The following AGBL1 variants were observed in gnomAD, a reference collection of about 807,000 sequenced individuals.
The protein encoded by AGBL1 is cytosolic carboxypeptidase 4.
Under a neutral mutation model 118.9 loss-of-function variants are expected in AGBL1, and 130 were observed. The observed-to-expected ratio is 1.09, with a 90% CI of 0.95 to 1.26. The LOEUF (loss-of-function observed/expected upper bound fraction) is 1.26, where lower values mean the gene tolerates loss of function less well. Ranked by LOEUF, AGBL1 falls within the 50% of genes most tolerant of loss-of-function variation. AGBL1 has a pLI of 0.00. For synonymous variants in AGBL1, 555 were observed against 478.9 expected (o/e 1.16, Z -2.08); for missense variants, 1,584 against 1,298.1 (o/e 1.22, Z -3.38).
At chr15:86,821,462 A>T (rs1275922812) in intron 22 of AGBL1, among the ~76,000 whole-genome samples, 1 of 152,218 alleles carries the variant, frequency 6.6e-6, no homozygotes, top group Non-Finnish European at 1.5e-5. Context: ...GAAAAAACTG[A>T]AAGTAATTCC....
chr15:86,264,545 C>G lies in AGBL1; in HGVS notation c.1374C>G (p.Asp458Glu), dbSNP rs369544801. Residue 458 changes from aspartate (D) to glutamate (E), a missense_variant, in exon 11 of 23, where the codon GAC (aspartate) becomes GAG (glutamate). By Grantham distance (45) the Asp-to-Glu change is conservative. Transcript: ENST00000614907. ...RRDSSESEIP[D>E]IQASPKADAW... ...ATTCTTCTGAAAGTGAAATCCCTGA[C>G]ATTCAGGCTTCCCCGAAAGCAGATG... 4 of 1,614,046 alleles carry G rather than the reference C, an allele frequency of 2.5e-6. No homozygotes were observed. Among genetic ancestry groups the G allele is most frequent in the Non-Finnish European group, 2.5e-6 (3 of 1,179,892 alleles).
At chr15:86,363,279 T>TAG (rs1228556598) in intron 17 of AGBL1, among the ~76,000 whole-genome samples, 1 of 152,214 alleles carries the variant, frequency 6.6e-6, no homozygotes, top group East Asian at 1.9e-4. Flanking sequence ...CCTGTTCTGC[T>TAG]ATCTTACTGG....
At chr15:87,022,477 G>T in intron 24 of AGBL1, among the ~76,000 whole-genome samples, 1 of 152,202 alleles carries the variant, frequency 6.6e-6, no homozygotes, top group East Asian at 1.9e-4. Flanking sequence ...CCAAACTTAA[G>T]AATAATTGGT....
At chr15:86,171,708 A>G (rs367938410) in intron 5 of AGBL1, among the ~76,000 whole-genome samples, 281 of 152,322 alleles carry the variant, frequency 1.8e-3, no homozygotes, top group African/African-American at 6.7e-3. Flanking sequence ...GGGCAAATAT[A>G]TAATCATATT....
chr15:86,691,112 T>C (rs1044107202), intron 22 of AGBL1, among the ~76,000 whole-genome samples: 2 of 152,110 alleles, frequency 1.3e-5, no homozygotes, highest in Non-Finnish European at 2.9e-5. Context: ...AACAAAGACA[T>C]ATTTGTTACG....
intron 22 of AGBL1, among the ~76,000 whole-genome samples, chr15:86,900,947 C>G (rs933758920): frequency 6.6e-6 from 1 of 152,136 alleles, no homozygotes; most frequent in Admixed American, 6.6e-5. Context: ...CAGTGACATC[C>G]CATTATATTA....
intron 22 of AGBL1, among the ~76,000 whole-genome samples, chr15:86,898,089 T>A (rs990641574): frequency 6.6e-6 from 1 of 152,138 alleles, no homozygotes; most frequent in Non-Finnish European, 1.5e-5. Context: ...AAATATTTGA[T>A]AAATAAATTA....
At chr15:86,291,693 C>G (rs1041887746) in intron 16 of AGBL1, among the ~76,000 whole-genome samples, 1 of 152,102 alleles carries the variant, frequency 6.6e-6, no homozygotes, top group African/African-American at 2.4e-5. Flanking sequence ...TCCATCTCAG[C>G]CTAGGAATAC....
Position 86,827,433 on chromosome 15 carries a change from A to G in AGBL1, c.3159-79654A>G, listed in dbSNP as rs1216059414. ...TGTGTATATATATATATATATACAC[A>G]TATATATATGTGTGTGTATATATAT... is the stretch of plus-strand genomic sequence containing the variant. On this transcript the variant is annotated intron_variant, in intron 22 of 22. Transcript: ENST00000614907. Among the ~76,000 whole-genome samples, 49 of 10,742 alleles carry G rather than the reference A, an allele frequency of 4.6e-3. 5 individuals carry two copies. Among genetic ancestry groups the G allele is most frequent in the African/African-American group, 0.015 (30 of 1,956 alleles). The allele number at this position is 10,742 out of a possible 152,430, so 7.0% of individuals were successfully genotyped here.
intron 7 of AGBL1, among the ~76,000 whole-genome samples, chr15:86,252,055 T>A (rs769010270): frequency 9.2e-5 from 14 of 152,192 alleles, no homozygotes; most frequent in Non-Finnish European, 2.1e-4. Flanking sequence ...GATTGCTAGA[T>A]CCTACCCCAG....
intron 14 of AGBL1, among the ~76,000 whole-genome samples, 180 bp from the exon 15 acceptor site, chr15:86,271,439 C>A (rs1597659558): frequency 6.6e-6 from 1 of 152,264 alleles, no homozygotes; most frequent in East Asian, 1.9e-4. Context: ...TTAGGGCTCA[C>A]CAGGATAATC....
chr15:86,691,390 C>T (rs959066592), intron 22 of AGBL1, among the ~76,000 whole-genome samples: 1 of 152,034 alleles, frequency 6.6e-6, no homozygotes, highest in African/African-American at 2.4e-5. Flanking sequence ...TTTTTCAGTA[C>T]TGAATTAGTG....
chr15:86,619,322 A>G (rs1041802266), intron 21 of AGBL1, among the ~76,000 whole-genome samples: 1 of 152,032 alleles, frequency 6.6e-6, no homozygotes, highest in Non-Finnish European at 1.5e-5. Flanking sequence ...AAGATCACTT[A>G]CTAATGTGGA....
chr15:86,122,288 A>T (rs758045370), intron 1 of AGBL1, among the ~76,000 whole-genome samples: 2 of 152,200 alleles, frequency 1.3e-5, no homozygotes, highest in Non-Finnish European at 2.9e-5. Context: ...AAGGAGGAGA[A>T]TGTAGATATT....
intron 22 of AGBL1, among the ~76,000 whole-genome samples, chr15:86,882,829 A>T (rs934075670): frequency 6.6e-6 from 1 of 152,184 alleles, no homozygotes; most frequent in African/African-American, 2.4e-5. Context: ...AAAAAACTAG[A>T]CAGGAACCTA....
At chr15:86,289,839 G>A (rs2079516297) in intron 16 of AGBL1, among the ~76,000 whole-genome samples, 1 of 152,114 alleles carries the variant, frequency 6.6e-6, no homozygotes, top group African/African-American at 2.4e-5. Context: ...CATCTTCAAA[G>A]TTCCTTTACT....
chr15:86,619,643 T>C (rs1423694683), intron 21 of AGBL1, among the ~76,000 whole-genome samples: 1 of 152,122 alleles, frequency 6.6e-6, no homozygotes, highest in Non-Finnish European at 1.5e-5. Context: ...AATATTGCAC[T>C]CATCCTTTTG....
At chr15:86,634,933 C>A (rs1443862296) in intron 21 of AGBL1, among the ~76,000 whole-genome samples, 1 of 151,822 alleles carries the variant, frequency 6.6e-6, no homozygotes, top group Non-Finnish European at 1.5e-5. Context: ...TAAGCATTGA[C>A]TTAACAAGAG....
intron 22 of AGBL1, among the ~76,000 whole-genome samples, chr15:86,800,706 G>C (rs2078637794): frequency 1.3e-5 from 2 of 152,050 alleles, no homozygotes; most frequent in Non-Finnish European, 2.9e-5. Context: ...ACCACCACCT[G>C]GCAAGTTCAT....
Sources: allele counts gnomAD v4.1 joint callset (sites outside exome capture counted in the v4.1 genomes callset), GRCh38; gene constraint gnomAD v4.1.1; transcripts MANE v1.5; gene names NCBI Gene and HGNC (gene_info 2026-07-23, HGNC 2026-07-21).